The following DCDC1 variants were observed in gnomAD, a reference collection of about 807,000 sequenced individuals.
DCDC1 encodes doublecortin domain-containing protein 1.
A neutral mutation model predicts 178.3 loss-of-function variants in DCDC1; 200 were observed. The ratio of observed to expected loss-of-function variants is 1.12; its 90% confidence interval spans 1.00 to 1.26. The LOEUF (loss-of-function observed/expected upper bound fraction) is 1.26. Among genes scored for constraint, DCDC1 ranks in the 50% most tolerant of loss-of-function variants. The pLI is 0.00. For synonymous variants in DCDC1, 690 were observed against 604.8 expected (o/e 1.14, Z -2.07); for missense variants, 1,983 against 1,749.2 (o/e 1.13, Z -2.38).
At chr11:31,110,965 A>T (rs1959162115) in intron 11 of DCDC1, among the ~76,000 whole-genome samples, 1 of 106,590 alleles carries the variant, frequency 9.4e-6, no homozygotes, top group East Asian at 5.3e-4. Context: ...TGCATTATGT[A>T]ACACTCGCTG....
intron 20 of DCDC1, among the ~76,000 whole-genome samples, chr11:30,995,103 T>C (rs1050460609): frequency 2.0e-5 from 3 of 152,048 alleles, no homozygotes; most frequent in East Asian, 1.9e-4. Context: ...TATTTCTATA[T>C]ACCCGCAATG....
intron 3 of DCDC1, among the ~76,000 whole-genome samples, chr11:31,311,981 A>G (rs1248528536): frequency 6.6e-6 from 1 of 152,014 alleles, no homozygotes; most frequent in East Asian, 1.9e-4. Context: ...AGTGTTCCCA[A>G]AGATTCTAGT....
At chr11:31,083,315 T>C (rs2135593853) in intron 17 of DCDC1, among the ~76,000 whole-genome samples, 1 of 152,346 alleles carries the variant, frequency 6.6e-6, no homozygotes, top group Non-Finnish European at 1.5e-5. Flanking sequence ...AACATTCAGT[T>C]CTGTATTTAT....
At chr11:30,881,452 T>C (rs1942661087) in intron 36 of DCDC1, 144 bp from the exon 37 acceptor site, 1 of 1,086,714 alleles carries the variant, frequency 9.2e-7, no homozygotes, top group African/African-American at 1.6e-5. Flanking sequence ...ATAGAAGAGA[T>C]GGGAAGAAGG....
chr11:30,873,658 C>A (rs1590181239), intron 38 of DCDC1, among the ~76,000 whole-genome samples: 1 of 152,068 alleles, frequency 6.6e-6, no homozygotes, highest in Non-Finnish European at 1.5e-5. Flanking sequence ...AGACTTAGGG[C>A]AAACAGAAAA....
At chr11:31,289,730 C>A (rs1947087900) in intron 7 of DCDC1, among the ~76,000 whole-genome samples, 1 of 152,036 alleles carries the variant, frequency 6.6e-6, no homozygotes, top group African/African-American at 2.4e-5. Flanking sequence ...CAGGCATTGT[C>A]CTCGATGCAT....
intron 7 of DCDC1, among the ~76,000 whole-genome samples, chr11:31,270,605 C>A (rs1220843809): frequency 6.6e-6 from 1 of 152,170 alleles, no homozygotes; most frequent in Non-Finnish European, 1.5e-5. Context: ...ACTAGGCTTT[C>A]CCCTGAGGTC....
chr11:31,118,927 A>T (rs1960379322), intron 11 of DCDC1, among the ~76,000 whole-genome samples: 1 of 152,208 alleles, frequency 6.6e-6, no homozygotes, highest in Non-Finnish European at 1.5e-5. Context: ...TTGAAAAGGA[A>T]GATTGTATCT....
chr11:31,082,737 A>C (rs1295512255), intron 17 of DCDC1, among the ~76,000 whole-genome samples: 1 of 152,052 alleles, frequency 6.6e-6, no homozygotes, highest in East Asian at 1.9e-4. Flanking sequence ...TTATACACTC[A>C]CACATTCATC....
intron 1 of DCDC1, among the ~76,000 whole-genome samples, chr11:31,358,143 C>A (rs1252627056): frequency 6.6e-6 from 1 of 150,618 alleles, no homozygotes; most frequent in African/African-American, 2.4e-5. Context: ...AATCCTAAGC[C>A]AAAAGAACAA....
intron 21 of DCDC1, among the ~76,000 whole-genome samples, chr11:30,947,472 T>C (rs535513083): frequency 3.0e-4 from 46 of 152,276 alleles, no homozygotes; most frequent in African/African-American, 1.1e-3. Flanking sequence ...AAGGACACCT[T>C]CTTCAATAAA....
At chr11:31,041,620 T>G (rs1954458282) in intron 20 of DCDC1, among the ~76,000 whole-genome samples, 1 of 152,194 alleles carries the variant, frequency 6.6e-6, no homozygotes. Flanking sequence ...TCCTAATTCT[T>G]ATATTTACTA....
chr11:31,238,250 C>T (rs929990386), intron 9 of DCDC1, among the ~76,000 whole-genome samples: 1 of 152,062 alleles, frequency 6.6e-6, no homozygotes, highest in Non-Finnish European at 1.5e-5. Context: ...TGAGTCATTA[C>T]TTGTATAGCT....
intron 9 of DCDC1, among the ~76,000 whole-genome samples, chr11:31,142,925 G>A (rs1964007116): frequency 6.6e-6 from 1 of 152,046 alleles, no homozygotes; most frequent in African/African-American, 2.4e-5. Context: ...AGGGTATTGG[G>A]AACCTGAGCT....
chr11:30,981,209 G>A (rs1950378896), intron 20 of DCDC1, among the ~76,000 whole-genome samples: 1 of 152,094 alleles, frequency 6.6e-6, no homozygotes, highest in South Asian at 2.1e-4. Flanking sequence ...TGGAAAGAGA[G>A]CGAGGGTTGA....
intron 9 of DCDC1, among the ~76,000 whole-genome samples, chr11:31,238,906 A>G (rs1208711946): frequency 2.0e-5 from 3 of 152,132 alleles, no homozygotes; most frequent in East Asian, 1.9e-4. Context: ...GTTGCATGCT[A>G]TAACAGCCAA....
At chr11:30,968,775 G>A (rs1949617565) in intron 20 of DCDC1, among the ~76,000 whole-genome samples, 1 of 122,372 alleles carries the variant, frequency 8.2e-6, no homozygotes. Flanking sequence ...TCCACTAGGG[G>A]TCTTGAAATG....
At chr11:30,931,706 T>A in intron 22 of DCDC1, 65 bp downstream of exon 22, 1 of 1,445,842 alleles carries the variant, frequency 6.9e-7, no homozygotes, top group Non-Finnish European at 9.2e-7. Context: ...ACATCCATAA[T>A]TAAGAACACA....
intron 7 of DCDC1, among the ~76,000 whole-genome samples, chr11:31,285,420 A>G (rs1946750764): frequency 6.6e-6 from 1 of 152,112 alleles, no homozygotes; most frequent in Non-Finnish European, 1.5e-5. Context: ...AGCATCCTTA[A>G]TCAAATTTTG....
Sources: allele counts gnomAD v4.1 joint callset (sites outside exome capture counted in the v4.1 genomes callset), GRCh38; gene constraint gnomAD v4.1.1; transcripts MANE v1.5; gene names NCBI Gene and HGNC (gene_info 2026-07-23, HGNC 2026-07-21).